The following ROR1 variants were observed in gnomAD, a reference collection of about 807,000 sequenced individuals.
ROR1 encodes the protein inactive tyrosine-protein kinase transmembrane receptor ROR1.
In ROR1, 19 loss-of-function variants were observed where a neutral mutation model predicts 78.8. That is an observed-to-expected ratio of 0.24 (90% CI 0.17 to 0.35). The LOEUF is 0.35. Among genes scored for constraint, ROR1 ranks in the 10% least tolerant of loss-of-function variants. The pLI, the probability that ROR1 is intolerant of heterozygous loss-of-function variation, is 1.00. For synonymous variants in ROR1, 386 were observed against 433.6 expected, an observed-to-expected ratio of 0.89 and a Z score of 1.36; for missense variants, 917 against 1,177.8, an observed-to-expected ratio of 0.78 and a Z score of 3.24.
At chr1:63,847,586 G>A (rs995121503) in intron 1 of ROR1, among the ~76,000 whole-genome samples, 6 of 152,166 alleles carry the variant, frequency 3.9e-5, no homozygotes, top group African/African-American at 1.2e-4. Flanking sequence ...ATCTGGCAGC[G>A]CAACAAAGGA....
chr1:64,035,691 G>A (rs1022544755), intron 2 of ROR1, among the ~76,000 whole-genome samples: 1 of 152,124 alleles, frequency 6.6e-6, no homozygotes, highest in Admixed American at 6.6e-5. Context: ...GCATAGAAAA[G>A]CCAAGAAAGC....
At chr1:64,059,389 G>A (rs74824436) in intron 4 of ROR1, among the ~76,000 whole-genome samples, 2,012 of 152,204 alleles carry the variant, frequency 0.013, 50 homozygotes, top group African/African-American at 0.047. Flanking sequence ...TGTATAGTCT[G>A]TATTTTCTGT....
chr1:63,945,862 G>T (rs770171653), intron 1 of ROR1, among the ~76,000 whole-genome samples: 1 of 152,222 alleles, frequency 6.6e-6, no homozygotes, highest in East Asian at 1.9e-4. Flanking sequence ...GCAGTTCATA[G>T]GTTGCTCTAG....
Position 63,901,901 on chromosome 1 carries a change from GTTTC to G in ROR1, c.92-107400_92-107397del, listed in dbSNP as rs544524092. Among the ~76,000 whole-genome samples, 598 of 148,580 alleles carry G rather than the reference GTTTC, an allele frequency of 4.0e-3. 5 individuals are homozygous for G. Among genetic ancestry groups the G allele is most frequent in the African/African-American group, 0.014 (577 of 40,806 alleles). ...TAAATAAACAAAGATACTCTGTTCT[GTTTC>G]TTTATTTATCCTAAGACATATGGAT... On this transcript the variant is annotated intron_variant, in intron 1 of 8. Coordinates refer to ENST00000371079, the MANE Select transcript of ROR1 (RefSeq NM_005012.4).
At chr1:64,069,239 T>G (rs545726860) in intron 4 of ROR1, among the ~76,000 whole-genome samples, 2 of 152,212 alleles carry the variant, frequency 1.3e-5, no homozygotes, top group Non-Finnish European at 2.9e-5. Flanking sequence ...GTCCACTTTA[T>G]TATCTTTAAA....
At chr1:63,964,575 C>G (rs149408122) in intron 1 of ROR1, among the ~76,000 whole-genome samples, 2 of 152,298 alleles carry the variant, frequency 1.3e-5, no homozygotes, top group African/African-American at 4.8e-5. Context: ...CTTCCCCACT[C>G]GGAGCTTACA....
At chr1:63,883,656 C>T (rs930664817) in intron 1 of ROR1, among the ~76,000 whole-genome samples, 4 of 152,210 alleles carry the variant, frequency 2.6e-5, no homozygotes, top group Admixed American at 2.0e-4. Context: ...GGCTGATTGG[C>T]ATCCTCTGCC....
intron 1 of ROR1, among the ~76,000 whole-genome samples, chr1:63,848,007 T>G (rs1419522657): frequency 2.0e-5 from 3 of 152,212 alleles, no homozygotes; most frequent in Non-Finnish European, 4.4e-5. Flanking sequence ...CCCTTTTTGT[T>G]TCCTAAGTGA....
chr1:64,038,926 A>G (rs774362913), intron 2 of ROR1, among the ~76,000 whole-genome samples: 5 of 152,320 alleles, frequency 3.3e-5, no homozygotes, highest in Non-Finnish European at 5.9e-5. Flanking sequence ...TCTTGCTACA[A>G]AGAAAATAGT....
At chr1:64,058,712 T>C (rs373139779) in intron 4 of ROR1, among the ~76,000 whole-genome samples, 1 of 152,072 alleles carries the variant, frequency 6.6e-6, no homozygotes, top group African/African-American at 2.4e-5. Context: ...TAATTTCTTC[T>C]TATCTTTTGC....
intron 1 of ROR1, chr1:63,789,334 G>T: frequency 4.4e-6 from 2 of 451,286 alleles, no homozygotes; most frequent in South Asian, 4.3e-5. Context: ...AAAGGTGAGT[G>T]ATCTAATATT....
rs1647158864 is a variant in ROR1 at position 64,086,817 on chromosome 1, T to C, written c.482+36101T>C. Among the ~76,000 whole-genome samples the C allele has an allele frequency of 2.0e-5, 3 of 152,214 alleles. No homozygotes were observed. The South Asian group carries it at 6.2e-4, about 32-fold the overall frequency. ...GCTTAGCTATTGCAGCTTCTGTTATTGAGCTTTGTCAAATGTTATGTTTAT... is the reference window on the plus strand; with the variant it reads ...GCTTAGCTATTGCAGCTTCTGTTATCGAGCTTTGTCAAATGTTATGTTTAT... On this transcript the variant is annotated intron_variant, in intron 4 of 8. Coordinates refer to ENST00000371079, the MANE Select transcript of ROR1 (RefSeq NM_005012.4).
At chr1:63,843,310 G>T in intron 1 of ROR1, 1 of 1,253,622 alleles carries the variant, frequency 8.0e-7, no homozygotes, top group Non-Finnish European at 1.2e-6. Flanking sequence ...ATCCCTGTCA[G>T]CTTCTTGACG....
At chr1:63,907,258 C>G (rs1219543942) in intron 1 of ROR1, among the ~76,000 whole-genome samples, 1 of 152,130 alleles carries the variant, frequency 6.6e-6, no homozygotes, top group Non-Finnish European at 1.5e-5. Flanking sequence ...TGGACAGGGA[C>G]TTGGCGATGT....
At chr1:64,058,589 C>T (rs533216059) in intron 4 of ROR1, among the ~76,000 whole-genome samples, 3 of 65,448 alleles carry the variant, frequency 4.6e-5, no homozygotes, top group South Asian at 5.4e-4. Flanking sequence ...TTTAGATGAT[C>T]GTGGTGGGTT....
At chr1:63,840,625 G>A (rs1262053886) in intron 1 of ROR1, among the ~76,000 whole-genome samples, 1 of 152,092 alleles carries the variant, frequency 6.6e-6, no homozygotes, top group Non-Finnish European at 1.5e-5. Flanking sequence ...TGAGTAAATA[G>A]TATTTGTATA....
At chr1:63,898,729 G>T (rs1645461215) in intron 1 of ROR1, among the ~76,000 whole-genome samples, 1 of 152,008 alleles carries the variant, frequency 6.6e-6, no homozygotes, top group African/African-American at 2.4e-5. Context: ...GAGAGAACGA[G>T]AACACAGGAG....
intron 1 of ROR1, among the ~76,000 whole-genome samples, chr1:63,967,431 C>T (rs1344052542): frequency 6.6e-6 from 1 of 152,098 alleles, no homozygotes; most frequent in Non-Finnish European, 1.5e-5. Flanking sequence ...CGCTATGATG[C>T]TCAGGCTGGC....
At chr1:64,041,588 G>C (rs1646745947) in intron 2 of ROR1, among the ~76,000 whole-genome samples, 1 of 152,120 alleles carries the variant, frequency 6.6e-6, no homozygotes, top group African/African-American at 2.4e-5. Context: ...AGGGGGTTTT[G>C]CTCTAAGTGC....
Sources: gnomAD v4.1 joint callset for allele counts (sites outside exome capture counted in the v4.1 genomes callset) on GRCh38, gnomAD v4.1.1 for gene constraint, MANE v1.5 for transcripts, NCBI Gene and HGNC (gene_info 2026-07-23, HGNC 2026-07-21) for gene names.